Variants in GREB1L observed in about 807,000 individuals in gnomAD.
GREB1L encodes GREB1 like retinoic acid receptor coactivator.
In GREB1L, 17 loss-of-function variants were observed where a neutral mutation model predicts 200.8. The observed-to-expected ratio is 0.08, with a 90% CI of 0.06 to 0.13. The LOEUF is 0.13. Ranked by LOEUF, GREB1L falls within the 10% of genes least tolerant of loss-of-function variation. The pLI is 1.00. For synonymous variants in GREB1L, 789 were observed against 893.0 expected, an observed-to-expected ratio of 0.88 and a Z score of 2.08; for missense variants, 1,657 against 2,367.7, an observed-to-expected ratio of 0.70 and a Z score of 6.23.
intron 1 of GREB1L, among the ~76,000 whole-genome samples, chr18:21,310,239 G>C (rs1041006286): frequency 2.0e-5 from 3 of 152,120 alleles, no homozygotes; most frequent in African/African-American, 7.2e-5. Flanking sequence ...GAGAAGAGAG[G>C]ACCGATGAAG....
chr18:21,508,434 A>G lies in GREB1L; in HGVS notation c.4578A>G (p.Arg1526=). ...CTATTTTCACTCCTTCCAGTGGTCG[A>G]CATGAGCACGGACTCCTAAACCTTT... ...KSPIFTPSSG[R]HEHGLLNLFH... The change falls in exon 27 of 33, where the codon CGA becomes CGG. Residue 1526 remains arginine (R), a synonymous_variant. Coordinates refer to ENST00000424526, the MANE Select transcript of GREB1L (RefSeq NM_001142966.3). The G allele has an allele frequency of 6.4e-7, 1 of 1,551,704 alleles. No homozygotes were observed. The highest frequency in any genetic ancestry group is 8.7e-7 in the Non-Finnish European group (1 of 1,146,986).
At chr18:21,251,891 G>C (rs1324760566) in intron 1 of GREB1L, among the ~76,000 whole-genome samples, 1 of 148,954 alleles carries the variant, frequency 6.7e-6, no homozygotes, top group Non-Finnish European at 1.5e-5. Flanking sequence ...GTTGCAGTGA[G>C]CTGGGATTGT....
At chr18:21,496,269 G>A (rs1362305366) in intron 20 of GREB1L, among the ~76,000 whole-genome samples, 185 bp from the exon 21 acceptor site, 4 of 152,124 alleles carry the variant, frequency 2.6e-5, no homozygotes, top group Admixed American at 2.0e-4. Context: ...CGAAGAAAAT[G>A]AAGCACAAAG....
chr18:21,252,257 T>C (rs2037718268), intron 1 of GREB1L, among the ~76,000 whole-genome samples: 1 of 152,276 alleles, frequency 6.6e-6, no homozygotes, highest in African/African-American at 2.4e-5. Flanking sequence ...CAGAAACATT[T>C]GTTTTGAAAG....
intron 15 of GREB1L, among the ~76,000 whole-genome samples, chr18:21,472,380 A>G (rs2035517088): frequency 6.6e-6 from 1 of 152,234 alleles, no homozygotes; most frequent in Non-Finnish European, 1.5e-5. Context: ...AGATAATGAT[A>G]CAGTATCAAA....
chr18:21,375,070 G>GT (rs57090481), intron 2 of GREB1L, among the ~76,000 whole-genome samples: 3,095 of 142,044 alleles, frequency 0.022, 37 homozygotes, highest in Middle Eastern at 0.043. Flanking sequence ...TTTTGTTTTT[G>GT]TTTTTTTTTT....
At chr18:21,290,841 A>AAG (rs2038437897) in intron 1 of GREB1L, among the ~76,000 whole-genome samples, 1 of 151,840 alleles carries the variant, frequency 6.6e-6, no homozygotes, top group African/African-American at 2.4e-5. Context: ...AAAAAAAAAA[A>AAG]AAAAGATAGA....
At chr18:21,353,540 A>G (rs1263089853) in intron 1 of GREB1L, among the ~76,000 whole-genome samples, 3 of 152,102 alleles carry the variant, frequency 2.0e-5, no homozygotes, top group African/African-American at 4.8e-5. Context: ...TGTGTAATAT[A>G]CAGATGTTTT....
chr18:21,458,781 G>A (rs144877717), intron 15 of GREB1L, among the ~76,000 whole-genome samples: 51 of 152,318 alleles, frequency 3.3e-4, no homozygotes, highest in Middle Eastern at 3.4e-3. Flanking sequence ...TGTAACTGCT[G>A]GAGTGATCGT....
intron 21 of GREB1L, among the ~76,000 whole-genome samples, chr18:21,497,464 G>T (rs1229781058): frequency 2.0e-5 from 3 of 152,062 alleles, no homozygotes; most frequent in Non-Finnish European, 4.4e-5. Context: ...CCAACATGGT[G>T]AAACCTCATC....
rs1461023840 is a variant in GREB1L, at chr18:21,443,271, C to T, written c.1208-953C>T. 4.6e-5 allele frequency among the ~76,000 whole-genome samples: 7 copies of T among 152,058 alleles called. No homozygotes were observed. In the South Asian group the frequency reaches 8.3e-4, roughly 18 times the overall value. ...AGGCGGGAGTGCAGTGGCGCGATCT[C>T]GGCTCACTGCAACCTCTGCCTCCTG... On this transcript the variant is annotated intron_variant, in intron 10 of 32. Coordinates refer to ENST00000424526, the MANE Select transcript of GREB1L (RefSeq NM_001142966.3).
intron 5 of GREB1L, among the ~76,000 whole-genome samples, chr18:21,398,317 C>T (rs1454452896): frequency 6.6e-6 from 1 of 152,130 alleles, no homozygotes; most frequent in African/African-American, 2.4e-5. Flanking sequence ...TTAACGCCTA[C>T]CTTGCCGGGT....
intron 8 of GREB1L, 40 bp downstream of exon 8, chr18:21,439,677 C>A: frequency 8.0e-7 from 1 of 1,249,754 alleles, no homozygotes; most frequent in Non-Finnish European, 1.1e-6. Context: ...AATGCACTTA[C>A]CAGTGGTTAC....
intron 7 of GREB1L, among the ~76,000 whole-genome samples, chr18:21,433,018 A>G (rs1240142421): frequency 1.3e-5 from 2 of 152,026 alleles, no homozygotes; most frequent in Admixed American, 1.3e-4. Context: ...ACATTTTCAA[A>G]CACATATAAA....
chr18:21,334,411 A>G (rs1598667504), intron 1 of GREB1L, among the ~76,000 whole-genome samples: 1 of 152,340 alleles, frequency 6.6e-6, no homozygotes, highest in East Asian at 1.9e-4. Context: ...TTCTCATGAA[A>G]CATAGAAAGT....
At chr18:21,376,723 T>C (rs1333813080) in intron 2 of GREB1L, among the ~76,000 whole-genome samples, 1 of 145,382 alleles carries the variant, frequency 6.9e-6, no homozygotes, top group Non-Finnish European at 1.5e-5. Context: ...GAGAGTGGTG[T>C]GAATCCGGGA....
Position 21,477,426 on chromosome 18 carries a change from A to T in GREB1L, c.2556+70A>T, listed in dbSNP as rs1340691523. On this transcript the variant is annotated intron_variant, in intron 17 of 32. Coordinates refer to ENST00000424526, the MANE Select transcript of GREB1L (RefSeq NM_001142966.3). ...TCCCAAGAGGGTAGGACCTTGTAAC[A>T]AAATGTGTCATGGCTTAAGACCATA... 8 of 1,154,616 alleles carry T rather than the reference A, an allele frequency of 6.9e-6. No homozygotes were observed. In the East Asian group the frequency reaches 1.6e-4, roughly 23 times the overall value. 71.5% of individuals were successfully genotyped at this position (1,154,616 alleles called of 1,614,324 possible). A position where few individuals can be genotyped will look rare whatever the true frequency, so the allele number is the denominator to read the frequency against.
intron 1 of GREB1L, among the ~76,000 whole-genome samples, chr18:21,359,903 A>G (rs1165165583): frequency 1.3e-5 from 2 of 152,194 alleles, no homozygotes; most frequent in African/African-American, 4.8e-5. Context: ...CAAATATATC[A>G]TCTCAAATGT....
chr18:21,525,192 A>ATTGT lies in GREB1L; in HGVS notation c.*2373_*2376dup, dbSNP rs1157580303. ...AATGTAAACGAAAAACTAGAAGACA[A>ATTGT]TTGTTATAATTTTTTTTGGCTGTAA... On this transcript the variant is annotated 3_prime_UTR_variant, in exon 33 of 33. Transcript: ENST00000424526. The ATTGT allele has an allele frequency of 1.3e-5, 2 of 152,050 alleles. No individual in the cohort carries two copies. The highest frequency in any genetic ancestry group is 4.8e-5 in the African/African-American group (2 of 41,418). The allele number at this position is 152,050 out of a possible 1,614,324, so 9.4% of individuals were successfully genotyped here. A position where few individuals can be genotyped will look rare whatever the true frequency, so the allele number is the denominator to read the frequency against.
Sources: gnomAD v4.1 joint callset for allele counts (sites outside exome capture counted in the v4.1 genomes callset) on GRCh38, gnomAD v4.1.1 for gene constraint, MANE v1.5 for transcripts, NCBI Gene and HGNC (gene_info 2026-07-23, HGNC 2026-07-21) for gene names.